Variants in RPS6KA2 observed in about 807,000 individuals in gnomAD.
The protein encoded by RPS6KA2 is ribosomal protein S6 kinase alpha-2.
In RPS6KA2, 42 loss-of-function variants were observed where a neutral mutation model predicts 91.8. The observed-to-expected ratio is 0.46, with a 90% CI of 0.36 to 0.59. RPS6KA2 has a LOEUF of 0.59. RPS6KA2 is among the 20% of genes least tolerant of loss of function. The probability of loss-of-function intolerance (pLI) is 0.00; values close to 1 mark genes in which losing one functional copy is unlikely to be tolerated. For missense variants in RPS6KA2, 798 were observed against 978.5 expected (o/e 0.82, Z 2.46); for synonymous variants, 414 against 393.6 (o/e 1.05, Z -0.61).
intron 2 of RPS6KA2, among the ~76,000 whole-genome samples, chr6:166,851,852 G>A (rs2128632541): frequency 6.6e-6 from 1 of 152,326 alleles, no homozygotes; most frequent in East Asian, 1.9e-4. Flanking sequence ...GGAATAACCA[G>A]AAGGAGGGAT....
chr6:166,648,606 A>G lies in RPS6KA2; in HGVS notation c.124-109822T>C, dbSNP rs1432191867. ...ACTCGCCATTTTAGTATTTTCACCT[A>G]TCACCGCCACGCAGCTGACTTCTTA... On this transcript the variant is annotated intron_variant, in intron 2 of 21. Coordinates refer to the RPS6KA2 transcript ENST00000503859. The surrounding 1 kb of genome is among the most constrained non-coding windows in gnomAD (Gnocchi z 4.8). Among the ~76,000 whole-genome samples the G allele has an allele frequency of 1.3e-5, 2 of 152,090 alleles. No individual in the cohort carries two copies. Among genetic ancestry groups the G allele is most frequent in the Non-Finnish European group, 2.9e-5 (2 of 68,014 alleles).
rs974979598 is a variant in RPS6KA2, at chr6:166,648,285, CAG to C, written c.124-109503_124-109502del. Among the ~76,000 whole-genome samples, 4 of 151,206 alleles carry C rather than the reference CAG, an allele frequency of 2.6e-5. No homozygotes were observed. The highest frequency in any genetic ancestry group is 9.7e-5 in the African/African-American group (4 of 41,116). Reference sequence around the variant, plus strand: ...TCATGTTCATACACACGCATGCACACAGTATGCACACACACGCATGTATACAC... The same window carrying C: ...TCATGTTCATACACACGCATGCACACTATGCACACACACGCATGTATACAC... On this transcript the variant is annotated intron_variant, in intron 2 of 21. Coordinates refer to the RPS6KA2 transcript ENST00000503859. This position sits in a 1 kb window ranked among gnomAD's most constrained non-coding sequence, Gnocchi z 4.8.
chr6:166,849,517 C>T lies in RPS6KA2; in HGVS notation c.123+8683G>A, dbSNP rs539916669. 3.3e-4 allele frequency among the ~76,000 whole-genome samples: 51 copies of T among 152,248 alleles called. No individual in the cohort carries two copies. The highest frequency in any genetic ancestry group is 9.2e-4 in the Admixed American group (14 of 15,294). ...AGAAGAAGGGAGGGTGAGGTGGGGG[C>T]GGATCAGCTTGAGTCACCACGCGTG... is the stretch of plus-strand genomic sequence containing the variant. On this transcript the variant is annotated intron_variant, in intron 2 of 21. Transcript: ENST00000503859. This position sits in a 1 kb window ranked among gnomAD's most constrained non-coding sequence, Gnocchi z 4.9.
intron 1 of RPS6KA2, among the ~76,000 whole-genome samples, chr6:166,585,011 G>A (rs552441100): frequency 3.9e-5 from 6 of 152,378 alleles, no homozygotes; most frequent in Admixed American, 6.5e-5. Flanking sequence ...AGCAACTAGT[G>A]TGAGAAAACC....
chr6:166,775,547 G>A (rs1312134044), intron 2 of RPS6KA2, among the ~76,000 whole-genome samples: 1 of 152,202 alleles, frequency 6.6e-6, no homozygotes, highest in Non-Finnish European at 1.5e-5. Context: ...CCACGTTGTA[G>A]GAAGGCTGAA....
In RPS6KA2 at chr6:166,603,310, T is replaced by A. The variant is rs3799587; in HGVS notation, c.99+23611A>T. Among the ~76,000 whole-genome samples the A allele has an allele frequency of 0.15, 22,175 of 151,962 alleles. 1,648 individuals are homozygous for A. The highest frequency in any genetic ancestry group is 0.22 in the South Asian group (1,060 of 4,818). ...GCTCTCGGCTTGTGTGGGCCATGGC[T>A]CTTTCAAAAAAGATCGTGCTGCTTA... On this transcript the variant is annotated intron_variant, in intron 1 of 20. Coordinates refer to ENST00000265678, the MANE Select transcript of RPS6KA2 (RefSeq NM_021135.6). This position sits in a 1 kb window ranked among gnomAD's most constrained non-coding sequence, Gnocchi z 4.3.
At chr6:166,801,744 T>C (rs1779371435) in intron 2 of RPS6KA2, among the ~76,000 whole-genome samples, 1 of 152,238 alleles carries the variant, frequency 6.6e-6, no homozygotes, top group Admixed American at 6.5e-5. Context: ...TGCATAAATA[T>C]ATTCATGCAC....
chr6:166,446,213 CTTG>C (rs1247281182), intron 14 of RPS6KA2, among the ~76,000 whole-genome samples: 1 of 152,210 alleles, frequency 6.6e-6, no homozygotes, highest in African/African-American at 2.4e-5. Context: ...GATAATTGAA[CTTG>C]TTGTCACCGC....
chr6:166,653,744 C>T lies in RPS6KA2; in HGVS notation c.124-114960G>A, dbSNP rs144878632. ...TCAGCGGCACATGAATTCCAGGTAG[C>T]GGCTCCCTGGTTACAGGACAGAAGT... On this transcript the variant is annotated intron_variant, in intron 2 of 21. Transcript: ENST00000503859. Among the ~76,000 whole-genome samples the T allele has an allele frequency of 2.8e-3, 420 of 152,276 alleles. 2 individuals are homozygous for T. Among genetic ancestry groups the T allele is most frequent in the African/African-American group, 9.8e-3 (409 of 41,546 alleles).
intron 2 of RPS6KA2, among the ~76,000 whole-genome samples, chr6:166,848,271 T>C (rs575015907): frequency 6.6e-6 from 1 of 152,296 alleles, no homozygotes; most frequent in African/African-American, 2.4e-5. Context: ...GATGTTAGCA[T>C]GGATGCAGTG....
At position 166,852,562 on chromosome 6, in the gene RPS6KA2, C is replaced by T. The variant is rs1780771614; in HGVS notation, c.123+5638G>A. Among the ~76,000 whole-genome samples the T allele has an allele frequency of 1.3e-5, 2 of 152,198 alleles. No individual in the cohort carries two copies. The highest frequency in any genetic ancestry group is 4.8e-5 in the African/African-American group (2 of 41,446). ...AGCTTTGGCCCAGAGCTCCTGAACA[C>T]ACCCGGCCTGGCTCTCTCTTTCACC... On this transcript the variant is annotated intron_variant, in intron 2 of 21. Transcript: ENST00000503859. This position sits in a 1 kb window ranked among gnomAD's most constrained non-coding sequence, Gnocchi z 4.1.
chr6:166,590,686 TCTTA>T (rs1279793657), intron 1 of RPS6KA2, among the ~76,000 whole-genome samples: 6 of 152,148 alleles, frequency 3.9e-5, no homozygotes, highest in African/African-American at 1.4e-4. Flanking sequence ...GCAGTAACCT[TCTTA>T]CTATCTCTAC....
chr6:166,499,132 A>G (rs966605319), intron 7 of RPS6KA2, among the ~76,000 whole-genome samples: 2 of 152,206 alleles, frequency 1.3e-5, no homozygotes, highest in African/African-American at 4.8e-5. Context: ...TGGAGAGCAC[A>G]GACAGGCGGA....
intron 1 of RPS6KA2, among the ~76,000 whole-genome samples, chr6:166,617,702 T>C (rs1312733373): frequency 6.6e-6 from 1 of 152,230 alleles, no homozygotes; most frequent in Non-Finnish European, 1.5e-5. Context: ...CATGGCTAAT[T>C]CCTAAGATAA....
At chr6:166,455,349 G>A (rs1780066047) in intron 12 of RPS6KA2, among the ~76,000 whole-genome samples, 1 of 152,174 alleles carries the variant, frequency 6.6e-6, no homozygotes, top group Non-Finnish European at 1.5e-5. Context: ...CGGGGGCCAG[G>A]CCGTGGGCAG....
At chr6:166,526,604 C>A (rs186446300) in intron 3 of RPS6KA2, among the ~76,000 whole-genome samples, 181 of 152,260 alleles carry the variant, frequency 1.2e-3, no homozygotes, top group African/African-American at 4.1e-3. Flanking sequence ...CCCACCTCTG[C>A]CCCCTAAAGT....
At chr6:166,441,036 C>G (rs940402454) in intron 14 of RPS6KA2, among the ~76,000 whole-genome samples, 4 of 152,080 alleles carry the variant, frequency 2.6e-5, no homozygotes, top group African/African-American at 9.7e-5. Flanking sequence ...TTCTGGCAGG[C>G]GATACAGTCA....
chr6:166,587,500 A>G (rs1785216536), intron 1 of RPS6KA2, among the ~76,000 whole-genome samples: 1 of 152,192 alleles, frequency 6.6e-6, no homozygotes, highest in African/African-American at 2.4e-5. Flanking sequence ...GAACCCACGC[A>G]TGTAAAACTC....
chr6:166,687,303 T>A (rs566913397), intron 2 of RPS6KA2, among the ~76,000 whole-genome samples: 1 of 152,134 alleles, frequency 6.6e-6, no homozygotes, highest in African/African-American at 2.4e-5. Context: ...AAATTTCAAA[T>A]GAGGAACACA....
Sources: allele counts gnomAD v4.1 joint callset (sites outside exome capture counted in the v4.1 genomes callset), GRCh38; gene constraint gnomAD v4.1.1; non-coding constraint Gnocchi (gnomAD v3.1); transcripts MANE v1.5; gene names NCBI Gene and HGNC (gene_info 2026-07-23, HGNC 2026-07-21).